Variants in LRP6 observed in about 807,000 individuals in gnomAD.
The protein encoded by LRP6 is low-density lipoprotein receptor-related protein 6.
Under a neutral mutation model 184.1 loss-of-function variants are expected in LRP6, and 43 were observed. That is an observed-to-expected ratio of 0.23 (90% confidence interval 0.18 to 0.30). The LOEUF is 0.30. LRP6 is among the 10% of genes least tolerant of loss of function. LRP6 has a pLI of 1.00. For missense variants in LRP6, 1,571 were observed against 2,005.3 expected (o/e 0.78, Z 4.14); for synonymous variants, 719 against 684.9 (o/e 1.05, Z -0.78).
In LRP6 at chr12:12,121,225, C is replaced by T. The variant is rs1949600552; in HGVS notation, c.4743G>A (p.Glu1581=). Residue 1581 remains glutamate (E), a synonymous_variant, in exon 23 of 23, where the codon GAG becomes GAA. Transcript: ENST00000261349. Reference sequence around the variant, plus strand: ...AAGGTGGGCAGCTTTCATAGTTCTCCTCTGCTGACAAGTATTGGCTTCGGG... The same window carrying T: ...AAGGTGGGCAGCTTTCATAGTTCTCTTCTGCTGACAAGTATTGGCTTCGGG... ...PTPRSQYLSA[E]ENYESCPPSP... The T allele has an allele frequency of 6.2e-7, 1 of 1,614,146 alleles. No homozygotes were observed. The highest frequency in any genetic ancestry group is 1.3e-5 in the African/African-American group (1 of 75,050).
intron 2 of LRP6, among the ~76,000 whole-genome samples, chr12:12,241,978 C>T (rs1025298220): frequency 6.6e-6 from 1 of 152,144 alleles, no homozygotes; most frequent in African/African-American, 2.4e-5. Flanking sequence ...AGACCTGCTA[C>T]CCAGAAGTAA....
intron 1 of LRP6, among the ~76,000 whole-genome samples, chr12:12,253,346 G>T (rs1047783973): frequency 6.6e-6 from 1 of 151,736 alleles, no homozygotes; most frequent in African/African-American, 2.4e-5. Flanking sequence ...ATTTTAGTTC[G>T]CATGCCACAA....
At chr12:12,266,643 G>T in intron 1 of LRP6, 38 bp downstream of exon 1, 2 of 968,718 alleles carry the variant, frequency 2.1e-6, no homozygotes, top group Non-Finnish European at 2.8e-6. Context: ...ACCTCCCCCC[G>T]AACCCCACCA....
chr12:12,207,678 A>C (rs1347712543), intron 2 of LRP6, among the ~76,000 whole-genome samples: 1 of 152,184 alleles, frequency 6.6e-6, no homozygotes, highest in African/African-American at 2.4e-5. Context: ...GAAGAGCCTT[A>C]AGTGGATATT....
At chr12:12,184,456 T>C (rs1591924335) in intron 4 of LRP6, among the ~76,000 whole-genome samples, 1 of 151,966 alleles carries the variant, frequency 6.6e-6, no homozygotes, top group Non-Finnish European at 1.5e-5. Flanking sequence ...AGACAATAAG[T>C]ACAGAGTCAA....
intron 2 of LRP6, among the ~76,000 whole-genome samples, chr12:12,222,308 G>C (rs1027247723): frequency 1.3e-5 from 2 of 152,046 alleles, no homozygotes; most frequent in African/African-American, 4.8e-5. Context: ...GCTCACACCT[G>C]TAATCCCAGC....
chr12:12,183,179 C>CTT (rs1591923200), intron 5 of LRP6, among the ~76,000 whole-genome samples: 1 of 152,182 alleles, frequency 6.6e-6, no homozygotes, highest in Non-Finnish European at 1.5e-5. Flanking sequence ...GCCAGGGACT[C>CTT]TAACACACTC....
chr12:12,141,912 T>C (rs774925699), intron 15 of LRP6, among the ~76,000 whole-genome samples: 1 of 152,218 alleles, frequency 6.6e-6, no homozygotes, highest in Non-Finnish European at 1.5e-5. Context: ...TGCAAACTTG[T>C]GCCTCGAATT....
intron 4 of LRP6, among the ~76,000 whole-genome samples, chr12:12,186,045 A>G (rs1347587794): frequency 8.6e-5 from 13 of 151,924 alleles, no homozygotes. Flanking sequence ...ACGGGGTTTC[A>G]CCATGTTGGC....
rs945001337 is a variant in LRP6, at chr12:12,119,436, G to C, written c.*1690C>G. 8 of 152,234 alleles carry C rather than the reference G, an allele frequency of 5.3e-5. No individual in the cohort carries two copies. Among genetic ancestry groups the C allele is most frequent in the Non-Finnish European group, 8.8e-5 (6 of 68,026 alleles). The allele number at this position is 152,234 out of a possible 1,614,324, so 9.4% of individuals were successfully genotyped here. A position where few individuals can be genotyped will look rare whatever the true frequency, so the allele number is the denominator to read the frequency against. On this transcript the variant is annotated 3_prime_UTR_variant, in exon 23 of 23. Transcript: ENST00000261349. ...AGTTTAAAACCATTCAATTTTAGCA[G>C]AGAAGTGCTACACATGTGTAAAAAG...
At chr12:12,136,077 C>T (rs1398337663) in intron 16 of LRP6, among the ~76,000 whole-genome samples, 1 of 151,910 alleles carries the variant, frequency 6.6e-6, no homozygotes, top group Non-Finnish European at 1.5e-5. Context: ...ATCCCAGCTA[C>T]TCGGGAGGCT....
intron 2 of LRP6, among the ~76,000 whole-genome samples, chr12:12,215,648 G>C (rs1864323762): frequency 6.6e-6 from 1 of 151,768 alleles, no homozygotes; most frequent in South Asian, 2.1e-4. Flanking sequence ...ACCGTGCCTG[G>C]CCAAGGACTA....
At chr12:12,122,248 A>T (rs2136831647) in intron 22 of LRP6, among the ~76,000 whole-genome samples, 1 of 152,348 alleles carries the variant, frequency 6.6e-6, no homozygotes, top group Non-Finnish European at 1.5e-5. Context: ...TGAAAATAAG[A>T]TCTGACCTAA....
chr12:12,158,889 C>T lies in LRP6; in HGVS notation c.2731G>A (p.Gly911Ser). Residue 911 changes from glycine (G) to serine (S), a missense_variant, in exon 12 of 23, where the codon GGT becomes AGT. By Grantham distance (56) the Gly-to-Ser change is moderately conservative. Coordinates refer to ENST00000261349, the MANE Select transcript of LRP6 (RefSeq NM_002336.3). ...SHLCLAVPVG[G>S]FVCGCPAHYS... ...TGGGCAGGGCATCCACAAACAAAACCCCCAACTGGCACAGCCAAGCAGAGG... is the reference window on the plus strand; with the variant it reads ...TGGGCAGGGCATCCACAAACAAAACTCCCAACTGGCACAGCCAAGCAGAGG... The T allele has an allele frequency of 6.2e-7, 1 of 1,614,180 alleles. No homozygotes were observed. The highest frequency in any genetic ancestry group is 8.5e-7 in the Non-Finnish European group (1 of 1,180,028).
intron 2 of LRP6, among the ~76,000 whole-genome samples, chr12:12,206,366 C>T (rs1864056314): frequency 6.6e-6 from 1 of 151,468 alleles, no homozygotes. Flanking sequence ...CACGGTGAAA[C>T]CCTGTCTCTA....
intron 2 of LRP6, among the ~76,000 whole-genome samples, chr12:12,227,901 C>A (rs892795023): frequency 2.4e-4 from 36 of 152,162 alleles, no homozygotes; most frequent in African/African-American, 8.4e-4. Context: ...AAAAAATGGT[C>A]TTTTATTTAA....
chr12:12,189,862 A>G (rs1863566840), intron 3 of LRP6, among the ~76,000 whole-genome samples: 1 of 152,134 alleles, frequency 6.6e-6, no homozygotes, highest in Admixed American at 6.5e-5. Flanking sequence ...TCCCGCCACA[A>G]GCCAAGTTAG....
At chr12:12,248,326 A>G (rs936453101) in intron 1 of LRP6, among the ~76,000 whole-genome samples, 2 of 152,086 alleles carry the variant, frequency 1.3e-5, no homozygotes, top group African/African-American at 4.8e-5. Flanking sequence ...ACTAACTGCA[A>G]AATCTTATAA....
Position 12,266,729 on chromosome 12 carries a change from C to G in LRP6, c.7G>C (p.Ala3Pro). ...CAGGCCAGGAGGCTCCTCAGGACGGCCCCCATCTTCCCTTCTCGCGTTCTC... is the reference window on the plus strand; with the variant it reads ...CAGGCCAGGAGGCTCCTCAGGACGGGCCCCATCTTCCCTTCTCGCGTTCTC... MG[A>P]VLRSLLACSF... Residue 3 changes from alanine to proline, a missense_variant, in exon 1 of 23, where the codon GCC (alanine) becomes CCC (proline). By Grantham distance (27) the Ala-to-Pro change is conservative. Coordinates refer to ENST00000261349, the MANE Select transcript of LRP6 (RefSeq NM_002336.3). 3 of 1,613,290 alleles carry G rather than the reference C, an allele frequency of 1.9e-6. No individual in the cohort carries two copies. The highest frequency in any genetic ancestry group is 2.5e-6 in the Non-Finnish European group (3 of 1,179,592).
Sources: allele counts gnomAD v4.1 joint callset (sites outside exome capture counted in the v4.1 genomes callset), GRCh38; gene constraint gnomAD v4.1.1; transcripts MANE v1.5; gene names NCBI Gene and HGNC (gene_info 2026-07-23, HGNC 2026-07-21).